RPS6KA3: variants seen among roughly 807,000 people sequenced by gnomAD.
RPS6KA3 encodes the protein ribosomal protein S6 kinase alpha-3.
RPS6KA3 carries 4 observed loss-of-function variants against 67.2 expected under a neutral mutation model. The observed-to-expected ratio is 0.06, with a 90% CI of 0.03 to 0.14. RPS6KA3 has a LOEUF of 0.14. Ranked by LOEUF, RPS6KA3 falls within the 10% of genes least tolerant of loss-of-function variation. The pLI, the probability that RPS6KA3 is intolerant of heterozygous loss-of-function variation, is 1.00. For synonymous variants in RPS6KA3, 182 were observed against 183.7 expected (o/e 0.99, Z 0.07); for missense variants, 204 against 559.0 (o/e 0.36, Z 6.40).
chrX:20,181,148 A>G (rs2067832789), intron 10 of RPS6KA3, among the ~76,000 whole-genome samples: 1 of 112,487 alleles, frequency 8.9e-6, no homozygotes, highest in South Asian at 3.6e-4. Context: ...ATAATACTTC[A>G]GTAAAGAAAA....
At chrX:20,229,179 G>A (rs1364535413) in intron 2 of RPS6KA3, among the ~76,000 whole-genome samples, 1 of 110,281 alleles carries the variant, frequency 9.1e-6, no homozygotes, top group Admixed American at 9.7e-5. Context: ...GTGAAGAGGT[G>A]TCACTAGACC....
At chrX:20,256,735 C>T (rs2070078176) in intron 1 of RPS6KA3, among the ~76,000 whole-genome samples, 1 of 112,086 alleles carries the variant, frequency 8.9e-6, no homozygotes, top group Non-Finnish European at 1.9e-5. Context: ...TACTTAAGCA[C>T]TGTCTCTATT....
intron 1 of RPS6KA3, among the ~76,000 whole-genome samples, chrX:20,245,437 C>T (rs370707934): frequency 1.4e-3 from 159 of 111,165 alleles, no homozygotes; most frequent in African/African-American, 4.8e-3. Flanking sequence ...ATAGATAATG[C>T]CAAAGAACTC....
rs2067146588 is a variant in RPS6KA3 at position 20,154,043 on chromosome X, A to G, written c.*1355T>C. On this transcript the variant is annotated 3_prime_UTR_variant, in exon 22 of 22. Transcript: ENST00000379565. ...AGACACAGGTAATAATGGGGACTGA[A>G]GTTTCTTTCATCAAATACGATTGTG... 1 of 112,489 alleles carries G rather than the reference A, an allele frequency of 8.9e-6. No homozygotes were observed. Among genetic ancestry groups the G allele is most frequent in the South Asian group, 3.7e-4 (1 of 2,739 alleles). The allele number at this position is 112,489 out of a possible 1,213,427, so 9.3% of individuals were successfully genotyped here.
intron 2 of RPS6KA3, among the ~76,000 whole-genome samples, chrX:20,217,034 G>T (rs1181426375): frequency 8.9e-6 from 1 of 111,867 alleles, no homozygotes; most frequent in Non-Finnish European, 1.9e-5. Context: ...ACCCCTGATG[G>T]ATAAAACAAA....
At chrX:20,214,833 CT>C (rs200001882) in intron 2 of RPS6KA3, among the ~76,000 whole-genome samples, 1,475 of 100,975 alleles carry the variant, frequency 0.015, 32 homozygotes, top group African/African-American at 0.053. Context: ...ACTTTTTTTT[CT>C]TTTTTTCTTT....
intron 21 of RPS6KA3, 101 bp from the exon 22 acceptor site, chrX:20,155,621 T>C: frequency 1.0e-6 from 1 of 970,532 alleles, no homozygotes. Flanking sequence ...TGTACATAGA[T>C]TTTATTTGGT....
At chrX:20,196,458 A>T (rs1207770439) in intron 4 of RPS6KA3, among the ~76,000 whole-genome samples, 1 of 112,480 alleles carries the variant, frequency 8.9e-6, no homozygotes, top group Non-Finnish European at 1.9e-5. Context: ...AATACATTCT[A>T]AGTACTCTGA....
chrX:20,250,549 TATGA>T (rs1287535455), intron 1 of RPS6KA3, among the ~76,000 whole-genome samples: 2 of 111,815 alleles, frequency 1.8e-5, no homozygotes, highest in African/African-American at 6.5e-5. Flanking sequence ...GAGTTTTTAT[TATGA>T]ATGAATGTTT....
In RPS6KA3 at chrX:20,266,693, C is replaced by T. The variant is rs1455039412; in HGVS notation, c.-61G>A. 2 of 857,891 alleles carry T rather than the reference C, an allele frequency of 2.3e-6. No individual in the cohort carries two copies. The highest frequency in any genetic ancestry group is 1.5e-6 in the Non-Finnish European group (1 of 679,589). 70.7% of individuals were successfully genotyped at this position (857,891 alleles called of 1,213,427 possible). On this transcript the variant is annotated 5_prime_UTR_variant, in exon 1 of 22. Transcript: ENST00000379565. ...CCTCCCCGCCCGCCCCACGGCCGGC[C>T]CCGCTCCGTCGCCGCCCGAGCCCCA...
At chrX:20,216,088 T>C (rs1018759493) in intron 2 of RPS6KA3, among the ~76,000 whole-genome samples, 1 of 112,288 alleles carries the variant, frequency 8.9e-6, no homozygotes, top group African/African-American at 3.2e-5. Context: ...CACAACTGTT[T>C]TTTAAATGAT....
chrX:20,200,235 G>C (rs2068390897), intron 4 of RPS6KA3, among the ~76,000 whole-genome samples: 1 of 112,084 alleles, frequency 8.9e-6, no homozygotes, highest in African/African-American at 3.2e-5. Context: ...TGAGAGAACT[G>C]AATCTTAGTC....
rs753173374 is a variant in RPS6KA3 at position 20,251,724 on chromosome X, T to C, written c.69+14840A>G. On this transcript the variant is annotated intron_variant, in intron 1 of 21. Coordinates refer to ENST00000379565, the MANE Select transcript of RPS6KA3 (RefSeq NM_004586.3). ...TATATTCACATTATGCAACTAATCTTCAGAACTATCTTGCAAAATTGAAAC... is the reference window on the plus strand; with the variant it reads ...TATATTCACATTATGCAACTAATCTCCAGAACTATCTTGCAAAATTGAAAC... Among the ~76,000 whole-genome samples, 3 of 113,158 alleles carry C rather than the reference T, an allele frequency of 2.7e-5. No homozygotes were observed. The East Asian group carries it at 8.3e-4, about 31-fold the overall frequency.
intron 20 of RPS6KA3, among the ~76,000 whole-genome samples, chrX:20,159,103 C>T (rs1167164704): frequency 8.9e-6 from 1 of 112,175 alleles, no homozygotes; most frequent in Non-Finnish European, 1.9e-5. Flanking sequence ...ATTATAACTG[C>T]TTTTCTCTCA....
At chrX:20,211,982 AC>A (rs1222792272) in intron 2 of RPS6KA3, among the ~76,000 whole-genome samples, 1 of 111,711 alleles carries the variant, frequency 9.0e-6, no homozygotes, top group Non-Finnish European at 1.9e-5. Flanking sequence ...AGCAAATCCT[AC>A]AAAAACTGAT....
chrX:20,168,320 A>G (rs140726399), intron 16 of RPS6KA3, among the ~76,000 whole-genome samples: 1,520 of 111,913 alleles, frequency 0.014, 29 homozygotes, highest in African/African-American at 0.046. Context: ...GCAAAATCTT[A>G]TATGTGTGGT....
At chrX:20,224,741 T>C (rs1225717685) in intron 2 of RPS6KA3, among the ~76,000 whole-genome samples, 3 of 111,442 alleles carry the variant, frequency 2.7e-5, no homozygotes, top group Non-Finnish European at 3.8e-5. Context: ...CCTAGAGCAC[T>C]GAGCGGGATT....
At chrX:20,253,801 A>C (rs1306098748) in intron 1 of RPS6KA3, among the ~76,000 whole-genome samples, 3 of 111,126 alleles carry the variant, frequency 2.7e-5, no homozygotes, top group African/African-American at 9.8e-5. Flanking sequence ...CATGCTATTA[A>C]ACTTCCTGCC....
chrX:20,189,300 A>G (rs575484998), intron 7 of RPS6KA3, among the ~76,000 whole-genome samples: 4 of 112,286 alleles, frequency 3.6e-5, no homozygotes, highest in African/African-American at 1.3e-4. Context: ...AGTGTCTGGC[A>G]GTGTACAGTA....
Sources: allele counts gnomAD v4.1 joint callset (sites outside exome capture counted in the v4.1 genomes callset), GRCh38; gene constraint gnomAD v4.1.1; transcripts MANE v1.5; gene names NCBI Gene and HGNC (gene_info 2026-07-23, HGNC 2026-07-21).